EPHA3: variants seen among roughly 807,000 people sequenced by gnomAD.
EPHA3 encodes ephrin type-A receptor 3.
EPHA3 carries 42 observed loss-of-function variants against 107.1 expected under a neutral mutation model. The ratio of observed to expected loss-of-function variants is 0.39; its 90% confidence interval spans 0.31 to 0.51. The LOEUF (loss-of-function observed/expected upper bound fraction) is 0.51. Among genes scored for constraint, EPHA3 ranks in the 20% least tolerant of loss-of-function variants. The probability of loss-of-function intolerance (pLI) is 0.78; values close to 1 mark genes in which losing one functional copy is unlikely to be tolerated. For missense variants in EPHA3, 1,183 were observed against 1,211.2 expected, an observed-to-expected ratio of 0.98 and a Z score of 0.35; for synonymous variants, 461 against 424.8, an observed-to-expected ratio of 1.09 and a Z score of -1.05.
At chr3:89,208,564 TAAAA>T (rs1407554848) in intron 2 of EPHA3, among the ~76,000 whole-genome samples, 3 of 63,276 alleles carry the variant, frequency 4.7e-5, no homozygotes, top group South Asian at 4.6e-4. Context: ...GAAAGAAAGA[TAAAA>T]AGAAAGAGAA....
intron 3 of EPHA3, among the ~76,000 whole-genome samples, chr3:89,326,035 C>T (rs1471825171): frequency 1.3e-5 from 2 of 150,768 alleles, no homozygotes; most frequent in Non-Finnish European, 3.0e-5. Flanking sequence ...TAAATAAATG[C>T]TTATAGGACA....
At chr3:89,460,013 T>G (rs569291840) in intron 15 of EPHA3, among the ~76,000 whole-genome samples, 2 of 152,192 alleles carry the variant, frequency 1.3e-5, no homozygotes, top group African/African-American at 4.8e-5. Flanking sequence ...TTAAATAAAT[T>G]TATTCACTTA....
chr3:89,184,621 C>T (rs1405578897), intron 2 of EPHA3, among the ~76,000 whole-genome samples: 1 of 151,972 alleles, frequency 6.6e-6, no homozygotes, highest in Non-Finnish European at 1.5e-5. Flanking sequence ...CACTGAAAAG[C>T]TCTTTAAAAA....
At chr3:89,444,912 A>T (rs1326689371) in intron 13 of EPHA3, among the ~76,000 whole-genome samples, 1 of 152,148 alleles carries the variant, frequency 6.6e-6, no homozygotes, top group Non-Finnish European at 1.5e-5. Flanking sequence ...CAGATAATGG[A>T]AATTCTCTAA....
At chr3:89,328,915 C>T (rs1707230836) in intron 3 of EPHA3, among the ~76,000 whole-genome samples, 1 of 152,076 alleles carries the variant, frequency 6.6e-6, no homozygotes, top group Admixed American at 6.6e-5. Flanking sequence ...GTGATGTAAA[C>T]ATTGTAGTTC....
At chr3:89,392,402 C>A (rs1708762619) in intron 5 of EPHA3, among the ~76,000 whole-genome samples, 1 of 151,698 alleles carries the variant, frequency 6.6e-6, no homozygotes, top group Non-Finnish European at 1.5e-5. Context: ...TGCACCACTG[C>A]ACTCCAGCCT....
rs543169129 is a variant in EPHA3, at chr3:89,327,520, CAT to C, written c.815-13395_815-13394del. ...AGAAGGAAAGTGGTACAGACTCTAT[CAT>C]GTGTTATACTGAGGGCACGTTAGGT... is the stretch of plus-strand genomic sequence containing the variant. On this transcript the variant is annotated intron_variant, in intron 3 of 16. Transcript: ENST00000336596. Among the ~76,000 whole-genome samples, 85 of 152,228 alleles carry C rather than the reference CAT, an allele frequency of 5.6e-4. No individual in the cohort carries two copies. In the South Asian group the frequency reaches 0.017, roughly 31 times the overall value.
chr3:89,343,007 G>A (rs1707566380), intron 5 of EPHA3, among the ~76,000 whole-genome samples: 1 of 152,096 alleles, frequency 6.6e-6, no homozygotes, highest in South Asian at 2.1e-4. Context: ...TGAGCTGGTT[G>A]TCAAGATTGA....
intron 3 of EPHA3, among the ~76,000 whole-genome samples, chr3:89,331,899 A>G (rs1480083759): frequency 1.3e-5 from 2 of 152,104 alleles, no homozygotes; most frequent in Non-Finnish European, 2.9e-5. Context: ...CTGTTCTGAT[A>G]TTTAACAAAA....
chr3:89,322,919 C>T (rs1198513704), intron 3 of EPHA3, among the ~76,000 whole-genome samples: 2 of 151,914 alleles, frequency 1.3e-5, no homozygotes, highest in Admixed American at 6.6e-5. Context: ...AATCTCTAGG[C>T]TCATAAAGTA....
In EPHA3 at chr3:89,379,760, A is replaced by C. The variant is rs757963276; in HGVS notation, c.1307-16077A>C. ...TACATTGTATACAATGACCAACCAA[A>C]ATTATTCTTATTTTCTGAAATACTA... On this transcript the variant is annotated intron_variant, in intron 5 of 16. Transcript: ENST00000336596. 5.1e-4 allele frequency among the ~76,000 whole-genome samples: 77 copies of C among 152,256 alleles called. 1 individual carries two copies. Among genetic ancestry groups the C allele is most frequent in the Admixed American group, 3.7e-3 (56 of 15,288 alleles).
At chr3:89,187,669 T>C (rs1392622049) in intron 2 of EPHA3, among the ~76,000 whole-genome samples, 1 of 152,100 alleles carries the variant, frequency 6.6e-6, no homozygotes, top group Admixed American at 6.6e-5. Flanking sequence ...TGGTAAATAC[T>C]GTAGAAAATA....
intron 16 of EPHA3, among the ~76,000 whole-genome samples, chr3:89,475,485 A>G (rs1490852442): frequency 6.6e-6 from 1 of 152,246 alleles, no homozygotes; most frequent in Non-Finnish European, 1.5e-5. Context: ...TTTCATTGAC[A>G]TGCAAGCTAC....
chr3:89,135,687 G>A (rs1704295823), intron 2 of EPHA3, among the ~76,000 whole-genome samples: 1 of 150,274 alleles, frequency 6.7e-6, no homozygotes, highest in South Asian at 2.1e-4. Flanking sequence ...ATATTACATT[G>A]TCTTTTTTAC....
At chr3:89,268,331 T>A (rs1488295783) in intron 3 of EPHA3, among the ~76,000 whole-genome samples, 1 of 152,126 alleles carries the variant, frequency 6.6e-6, no homozygotes, top group Non-Finnish European at 1.5e-5. Context: ...AAACATGTGC[T>A]TCCTAATGCT....
At chr3:89,342,896 A>ACAG in intron 5 of EPHA3, among the ~76,000 whole-genome samples, 1 of 130,718 alleles carries the variant, frequency 7.7e-6, no homozygotes, top group Non-Finnish European at 1.7e-5. Flanking sequence ...CACACACACA[A>ACAG]ACATTGGAGC....
At chr3:89,428,968 T>A (rs2107534522) in intron 11 of EPHA3, 138 bp from the exon 12 acceptor site, 3 of 494,042 alleles carry the variant, frequency 6.1e-6, no homozygotes, top group Admixed American at 4.2e-5. Flanking sequence ...TAGGGCTTTT[T>A]AAAATTTTTA....
At position 89,413,162 on chromosome 3, in the gene EPHA3, C is replaced by T. The variant is rs1189384773; in HGVS notation, c.1784C>T (p.Thr595Ile). 2.5e-6 allele frequency: 4 copies of T among 1,611,416 alleles called. No homozygotes were observed. Among genetic ancestry groups the T allele is most frequent in the East Asian group, 2.2e-5 (1 of 44,804 alleles). The change falls in exon 10 of 17, where the codon ACT (threonine) becomes ATT (isoleucine). Residue 595 changes from threonine (T) to isoleucine (I), a missense_variant. Transcript: ENST00000336596. The stretch of plus-strand genomic sequence containing the variant: ...ACAGTAAAACTTCCAGGTCTCAGGA[C>T]TTATGTTGACCCACATACATATGAA... ...NGHLKLPGLRTYVDPHTYEDP... is the reference protein window; with the variant it reads ...NGHLKLPGLRIYVDPHTYEDP...
intron 3 of EPHA3, among the ~76,000 whole-genome samples, chr3:89,224,662 A>G (rs146734919): frequency 3.4e-4 from 51 of 152,150 alleles, no homozygotes; most frequent in African/African-American, 1.1e-3. Flanking sequence ...TAGCCTGGCA[A>G]TCATGGTGAA....
Sources: allele counts gnomAD v4.1 joint callset (sites outside exome capture counted in the v4.1 genomes callset), GRCh38; gene constraint gnomAD v4.1.1; transcripts MANE v1.5; gene names NCBI Gene and HGNC (gene_info 2026-07-23, HGNC 2026-07-21).